The following TRAK1 variants were observed in gnomAD, a reference collection of about 807,000 sequenced individuals.
TRAK1 encodes trafficking kinesin-binding protein 1.
Under a neutral mutation model 92.1 loss-of-function variants are expected in TRAK1, and 33 were observed. That is an observed-to-expected ratio of 0.36 (90% CI 0.27 to 0.48). The LOEUF (loss-of-function observed/expected upper bound fraction) is 0.48. TRAK1 is among the 20% of genes least tolerant of loss of function. TRAK1 has a pLI of 0.99. For missense variants in TRAK1, 1,123 were observed against 1,257.9 expected (o/e 0.89, Z 1.62); for synonymous variants, 521 against 517.3 (o/e 1.01, Z -0.10).
rs528827349 is a variant in TRAK1, at chr3:42,095,296, G to A, written c.91+3736G>A. ...TCACGTTTGAGGAGGCACAGAGTAG[G>A]CAGCTTAACCTCTTGTATAAAATAG... On this transcript the variant is annotated intron_variant, in intron 1 of 15. Transcript: ENST00000327628. Among the ~76,000 whole-genome samples the A allele has an allele frequency of 1.8e-3, 274 of 152,316 alleles. 1 individual carries two copies. The highest frequency in any genetic ancestry group is 3.6e-3 in the Non-Finnish European group (242 of 68,036).
At chr3:42,072,768 A>T (rs1046810448) in intron 1 of TRAK1, among the ~76,000 whole-genome samples, 3 of 152,066 alleles carry the variant, frequency 2.0e-5, no homozygotes, top group Non-Finnish European at 4.4e-5. Context: ...AGGGCAGTGC[A>T]TGTGTTGGGG....
intron 1 of TRAK1, among the ~76,000 whole-genome samples, chr3:42,075,487 C>T (rs1447454219): frequency 6.6e-6 from 1 of 151,962 alleles, no homozygotes; most frequent in Non-Finnish European, 1.5e-5. Context: ...GATTTCTATT[C>T]CTTTGGGTAT....
At chr3:42,194,195 A>G (rs1269700558) in intron 9 of TRAK1, among the ~76,000 whole-genome samples, 2 of 152,174 alleles carry the variant, frequency 1.3e-5, no homozygotes, top group Non-Finnish European at 2.9e-5. Flanking sequence ...TGGGAGAGGA[A>G]TCTCACAGGT....
At chr3:42,057,483 A>AG (rs1276523950) in intron 1 of TRAK1, among the ~76,000 whole-genome samples, 3 of 152,152 alleles carry the variant, frequency 2.0e-5, no homozygotes, top group African/African-American at 7.2e-5. Context: ...ATGCTGGAGT[A>AG]GGGGTTGAGG....
chr3:42,188,871 T>TG (rs1705270185), intron 5 of TRAK1, 145 bp from the exon 6 acceptor site: 2 of 625,722 alleles, frequency 3.2e-6, no homozygotes, highest in Non-Finnish European at 5.8e-6. Flanking sequence ...GCCTGTGCAC[T>TG]GGGGGCGCTG....
At chr3:42,185,904 C>A (rs1239979829) in intron 4 of TRAK1, among the ~76,000 whole-genome samples, 1 of 150,734 alleles carries the variant, frequency 6.6e-6, no homozygotes, top group African/African-American at 2.4e-5. Flanking sequence ...GAACTCCTGA[C>A]CTCAGGTCAT....
rs1392488201 is a variant in TRAK1, at chr3:42,202,597, A to G, written c.1589A>G (p.Lys530Arg). The G allele has an allele frequency of 3.1e-6, 5 of 1,591,678 alleles. No individual in the cohort carries two copies. The highest frequency in any genetic ancestry group is 1.7e-5 in the Admixed American group (1 of 59,236). Residue 530 changes from lysine (K) to arginine (R), a missense_variant, in exon 13 of 16, where the codon AAG (lysine) becomes AGG (arginine). Lys to Arg is a conservative substitution (Grantham distance 26, BLOSUM62 2). Transcript: ENST00000327628. The surrounding 1 kb of genome is among the most constrained non-coding windows in gnomAD (Gnocchi z 6.1). ...AGGAAGCTCCAGGAGCTGGCGGAGA[A>G]GGGCGAGCTGCGCAGCGGCTCCCTC... ...QERKLQELAE[K>R]GELRSGSLTP...
At chr3:42,118,255 T>G (rs1013810143) in intron 1 of TRAK1, among the ~76,000 whole-genome samples, 2 of 151,872 alleles carry the variant, frequency 1.3e-5, no homozygotes, top group African/African-American at 4.8e-5. Flanking sequence ...CATCTAATTT[T>G]TTTTTTTTGT....
intron 13 of TRAK1, among the ~76,000 whole-genome samples, chr3:42,206,094 T>C (rs1219133701): frequency 4.6e-5 from 7 of 152,218 alleles, no homozygotes; most frequent in Non-Finnish European, 1.0e-4. Context: ...AGAGGTAACT[T>C]GGGCTCTGAA....
chr3:42,149,161 G>T lies in TRAK1; in HGVS notation c.286+23547G>T, dbSNP rs1699664263. 3 of 1,019,050 alleles carry T rather than the reference G, an allele frequency of 2.9e-6. No individual in the cohort carries two copies. In the South Asian group the frequency reaches 1.4e-4, roughly 46 times the overall value. 63.1% of individuals were successfully genotyped at this position (1,019,050 alleles called of 1,614,324 possible). ...GGCGAGCAGGAGACGAGGCTTGAGT[G>T]AGACAGCCAGTGGTGGTGTGTGTCT... On this transcript the variant is annotated intron_variant, in intron 2 of 15. Coordinates refer to ENST00000327628, the MANE Select transcript of TRAK1 (RefSeq NM_001042646.3).
chr3:42,207,366 C>T (rs1160000448), intron 13 of TRAK1, among the ~76,000 whole-genome samples: 1 of 152,180 alleles, frequency 6.6e-6, no homozygotes, highest in Non-Finnish European at 1.5e-5. Flanking sequence ...GGACACCCAT[C>T]TGGAAATTCT....
At chr3:42,138,579 C>G (rs942501147) in intron 2 of TRAK1, among the ~76,000 whole-genome samples, 4 of 151,684 alleles carry the variant, frequency 2.6e-5, no homozygotes, top group African/African-American at 9.7e-5. Flanking sequence ...AATTAAAATC[C>G]TAAGTGAAAC....
intron 13 of TRAK1, chr3:42,203,945 A>G (rs1708022490): frequency 2.0e-6 from 2 of 985,728 alleles, no homozygotes; most frequent in African/African-American, 1.7e-5. Context: ...ACTGCATGCT[A>G]TAAGGTAAGG....
At chr3:42,158,789 A>C (rs1282942554) in intron 2 of TRAK1, among the ~76,000 whole-genome samples, 2 of 95,104 alleles carry the variant, frequency 2.1e-5, no homozygotes, top group African/African-American at 1.1e-4. Flanking sequence ...AAAAAATACA[A>C]AAAAAAAAAA....
intron 1 of TRAK1, among the ~76,000 whole-genome samples, chr3:42,105,180 C>T (rs1013939497): frequency 3.3e-5 from 5 of 152,128 alleles, no homozygotes; most frequent in South Asian, 2.1e-4. Flanking sequence ...TCTCGAACTC[C>T]TGACCTCAGG....
At chr3:42,100,144 C>T (rs879294783) in intron 1 of TRAK1, among the ~76,000 whole-genome samples, 8 of 152,124 alleles carry the variant, frequency 5.3e-5, no homozygotes, top group Non-Finnish European at 1.0e-4. Context: ...AGAATCGCTT[C>T]AGCCAAGGAA....
intron 13 of TRAK1, among the ~76,000 whole-genome samples, chr3:42,206,423 G>A (rs774667547): frequency 2.6e-5 from 4 of 152,182 alleles, no homozygotes; most frequent in African/African-American, 4.8e-5. Context: ...AGGCTCTCAT[G>A]TGTAAGGCCT....
intron 1 of TRAK1, among the ~76,000 whole-genome samples, chr3:42,047,327 C>CTG (rs1702793465): frequency 6.7e-6 from 1 of 150,264 alleles, no homozygotes; most frequent in African/African-American, 2.4e-5. Context: ...TTCCAAGAAG[C>CTG]TGGGACTACA....
upstream of TRAK1, among the ~76,000 whole-genome samples, chr3:42,088,385 C>A (rs140832801): frequency 7.4e-4 from 112 of 152,212 alleles, no homozygotes; most frequent in African/African-American, 2.4e-3. Context: ...CATGTGTTGT[C>A]CTCCGCTTGT....
Sources: allele counts gnomAD v4.1 joint callset (sites outside exome capture counted in the v4.1 genomes callset), GRCh38; gene constraint gnomAD v4.1.1; non-coding constraint Gnocchi (gnomAD v3.1); transcripts MANE v1.5; gene names NCBI Gene and HGNC (gene_info 2026-07-23, HGNC 2026-07-21).